Variants in SYNCRIP observed in about 807,000 individuals in gnomAD.
The protein encoded by SYNCRIP is synaptotagmin binding cytoplasmic RNA interacting protein, also known as heterogeneous nuclear ribonucleoprotein Q.
A neutral mutation model predicts 68.9 loss-of-function variants in SYNCRIP; 9 were observed. The observed-to-expected ratio is 0.13, with a 90% CI of 0.08 to 0.23. The LOEUF (loss-of-function observed/expected upper bound fraction) is 0.23. Among genes scored for constraint, SYNCRIP ranks in the 10% least tolerant of loss-of-function variants. The pLI is 1.00. For synonymous variants in SYNCRIP, 258 were observed against 254.0 expected, an observed-to-expected ratio of 1.02 and a Z score of -0.15; for missense variants, 414 against 770.6, an observed-to-expected ratio of 0.54 and a Z score of 5.48.
At chr6:85,629,029 T>C (rs1468786221) in intron 6 of SYNCRIP, among the ~76,000 whole-genome samples, 1 of 152,200 alleles carries the variant, frequency 6.6e-6, no homozygotes, top group African/African-American at 2.4e-5. Context: ...TTTATTCAAA[T>C]AATCTTCATT....
chr6:85,623,242 A>AT (rs767580411), intron 7 of SYNCRIP, among the ~76,000 whole-genome samples: 6 of 152,124 alleles, frequency 3.9e-5, no homozygotes, highest in East Asian at 1.9e-4. Flanking sequence ...AGTTCAAAAA[A>AT]TTTTTTTACC....
chr6:85,615,042 G>A lies in SYNCRIP; in HGVS notation c.1586C>T (p.Pro529Leu), dbSNP rs200834664. The A allele has an allele frequency of 5.0e-6, 8 of 1,613,990 alleles. No individual in the cohort carries two copies. Among genetic ancestry groups the A allele is most frequent in the African/African-American group, 1.3e-5 (1 of 74,890 alleles). The change falls in exon 11 of 11, where the codon CCT becomes CTT. Residue 529 changes from proline to leucine, a missense_variant. This residue lies in a region of SYNCRIP where 130 missense variants were observed against 149.0 expected (regional missense o/e 0.87). Coordinates refer to ENST00000369622, the MANE Select transcript of SYNCRIP (RefSeq NM_006372.5). ...ACCTCGAACGCCTCTTGCTGATCCA[G>A]GACCTCCTCTCTGTGAATAACCGGC... ...GRAGYSQRGG[P>L]GSARGVRGAR...
In SYNCRIP at chr6:85,619,049, C is replaced by T. The variant is rs538377455; in HGVS notation, c.1159-110G>A. On this transcript the variant is annotated intron_variant, in intron 9 of 10. Transcript: ENST00000369622. ...ATGTGGGAAGGACAAGAGAAAGCCC[C>T]ATGCAGGCAGTCAAATAATTTTATT... The T allele has an allele frequency of 2.4e-4, 293 of 1,224,206 alleles. 1 individual carries two copies. In the African/African-American group the frequency reaches 4.0e-3, roughly 17 times the overall value. 75.8% of individuals were successfully genotyped at this position (1,224,206 alleles called of 1,614,324 possible). A position where few individuals can be genotyped will look rare whatever the true frequency, so the allele number is the denominator to read the frequency against.
At chr6:85,618,288 C>A (rs1184002134) in intron 10 of SYNCRIP, among the ~76,000 whole-genome samples, 1 of 152,068 alleles carries the variant, frequency 6.6e-6, no homozygotes, top group Non-Finnish European at 1.5e-5. Flanking sequence ...CAGCTGTAAT[C>A]CCAGCACTTT....
intron 10 of SYNCRIP, among the ~76,000 whole-genome samples, chr6:85,618,568 CAG>C (rs1407118382): frequency 6.6e-6 from 1 of 151,926 alleles, no homozygotes; most frequent in African/African-American, 2.4e-5. Context: ...AAAAGCTAGA[CAG>C]ATTTTTCATC....
intron 6 of SYNCRIP, among the ~76,000 whole-genome samples, chr6:85,628,300 C>T (rs1021770534): frequency 1.3e-5 from 2 of 152,214 alleles, no homozygotes; most frequent in Non-Finnish European, 2.9e-5. Context: ...GGGTGATCCG[C>T]CCGCCTCAGC....
chr6:85,609,484 G>A (rs779393296), downstream of SYNCRIP: 1 of 151,880 alleles, frequency 6.6e-6, no homozygotes, highest in Admixed American at 6.6e-5. Context: ...TTTTAAGTCA[G>A]ATTCACAGTA....
At chr6:85,638,895 TACC>T (rs1367890994) in intron 4 of SYNCRIP, among the ~76,000 whole-genome samples, 1 of 152,188 alleles carries the variant, frequency 6.6e-6, no homozygotes, top group African/African-American at 2.4e-5. Flanking sequence ...TATGCCTTTT[TACC>T]ACAACTTAGC....
chr6:85,630,048 C>G (rs1224255557), intron 6 of SYNCRIP, among the ~76,000 whole-genome samples: 1 of 151,660 alleles, frequency 6.6e-6, no homozygotes, highest in Admixed American at 6.6e-5. Context: ...CTAAAACCAT[C>G]AGAACCATCA....
Position 85,614,936 on chromosome 6 carries a change from C to T in SYNCRIP, c.1692G>A (p.Lys564=). 6.2e-7 allele frequency: 1 copy of T among 1,614,106 alleles called. No individual in the cohort carries two copies. The highest frequency in any genetic ancestry group is 8.5e-7 in the Non-Finnish European group (1 of 1,179,996). ...RGGRGGNVGG[K]RKADGYNQPD... ...GCTGGTTGTACCCATCAGCTTTGCG[C>T]TTTCCTCCTACATTTCCACCGCGGC... The change falls in exon 11 of 11, where the codon AAG becomes AAA. Residue 564 remains lysine, a synonymous_variant. Coordinates refer to ENST00000369622, the MANE Select transcript of SYNCRIP (RefSeq NM_006372.5).
At chr6:85,623,334 C>G (rs536551562) in intron 7 of SYNCRIP, among the ~76,000 whole-genome samples, 64 of 151,892 alleles carry the variant, frequency 4.2e-4, no homozygotes, top group Non-Finnish European at 6.8e-4. Flanking sequence ...GAGGCCGAGG[C>G]AAGCAGATCA....
chr6:85,637,448 A>G, intron 4 of SYNCRIP, 92 bp from the exon 5 acceptor site: 1 of 827,034 alleles, frequency 1.2e-6, no homozygotes, highest in Non-Finnish European at 1.9e-6. Flanking sequence ...AAATCTTTCC[A>G]ATTATCTTGG....
At chr6:85,613,750 G>A (rs1403052828), downstream of SYNCRIP, among the ~76,000 whole-genome samples, 1 of 152,164 alleles carries the variant, frequency 6.6e-6, no homozygotes, top group Non-Finnish European at 1.5e-5. Context: ...TATTCCCATT[G>A]TTTTCACACT....
At chr6:85,621,329 A>G (rs1277881526) in intron 8 of SYNCRIP, among the ~76,000 whole-genome samples, 3 of 152,224 alleles carry the variant, frequency 2.0e-5, no homozygotes, top group African/African-American at 7.2e-5. Context: ...AAGACAAAGG[A>G]TAACTGGGGC....
chr6:85,618,452 A>C (rs1257892801), intron 10 of SYNCRIP, among the ~76,000 whole-genome samples: 4 of 151,956 alleles, frequency 2.6e-5, no homozygotes, highest in African/African-American at 9.7e-5. Flanking sequence ...GAGGCAGGAG[A>C]ATCTCTTGAA....
rs1349765748 is a variant in SYNCRIP at position 85,640,488 on chromosome 6, T to A, written c.225A>T (p.Ala75=). The change falls in exon 3 of 11, where the codon GCA becomes GCT. Residue 75 remains alanine, a synonymous_variant. Transcript: ENST00000369622. The part of the protein sequence containing the change: ...LKEFNEDGAL[A]VLQQFKDSDL... ...CACTGTCTTTAAACTGTTGAAGAAC[T>A]GCCAATGCACCGTCTTCATTGAATT... 6.2e-7 allele frequency: 1 copy of A among 1,609,558 alleles called. No individual in the cohort carries two copies. Among genetic ancestry groups the A allele is most frequent in the Non-Finnish European group, 8.5e-7 (1 of 1,178,472 alleles).
At chr6:85,619,035 A>C in intron 9 of SYNCRIP, 96 bp from the exon 10 acceptor site, 3 of 1,327,250 alleles carry the variant, frequency 2.3e-6, no homozygotes, top group African/African-American at 1.5e-5. Context: ...TGTGGGAAGG[A>C]CAAGAGAAAG....
At chr6:85,631,366 T>C (rs915407077) in intron 6 of SYNCRIP, among the ~76,000 whole-genome samples, 3 of 136,860 alleles carry the variant, frequency 2.2e-5, no homozygotes, top group Non-Finnish European at 4.6e-5. Context: ...GGCCATGGCT[T>C]AAAGAAGGCG....
intron 6 of SYNCRIP, among the ~76,000 whole-genome samples, chr6:85,631,451 G>A (rs1807779738): frequency 1.3e-5 from 2 of 152,058 alleles, no homozygotes; most frequent in Non-Finnish European, 2.9e-5. Flanking sequence ...ATAGGGCCTT[G>A]TTTGTAAGTC....
Sources: gnomAD v4.1 joint callset for allele counts (sites outside exome capture counted in the v4.1 genomes callset) on GRCh38, gnomAD v4.1.1 for gene constraint, gnomAD v4.1.1 regional missense constraint, MANE v1.5 for transcripts, NCBI Gene and HGNC (gene_info 2026-07-23, HGNC 2026-07-21) for gene names.